OOSP2: variants seen among roughly 807,000 people sequenced by gnomAD.
The protein encoded by OOSP2 is oocyte-secreted protein 2.
Under a neutral mutation model 13.4 loss-of-function variants are expected in OOSP2, and 7 were observed. That is an observed-to-expected ratio of 0.52 (90% CI 0.30 to 0.98). OOSP2 has a LOEUF of 0.98. OOSP2 is among the 50% of genes least tolerant of loss of function. OOSP2 has a pLI of 0.07. For synonymous variants in OOSP2, 75 were observed against 67.2 expected (o/e 1.12, Z -0.57); for missense variants, 184 against 188.5 (o/e 0.98, Z 0.14).
rs1347547463 is a variant in OOSP2, at chr11:60,047,181, C to G, written c.*108C>G. On this transcript the variant is annotated 3_prime_UTR_variant, in exon 4 of 4. Coordinates refer to ENST00000278855, the MANE Select transcript of OOSP2 (RefSeq NM_173801.5). ...TTGGTGTATATCTCTCCTTAAGTCT[C>G]TGGTTTCTAAAAACCCTACTTCAGT... 1.1e-6 allele frequency: 1 copy of G among 903,588 alleles called. No homozygotes were observed. 56.0% of individuals were successfully genotyped at this position (903,588 alleles called of 1,614,324 possible).
Position 60,047,089 on chromosome 11 carries a change from G to A in OOSP2, c.*16G>A, listed in dbSNP as rs527766183. On this transcript the variant is annotated 3_prime_UTR_variant, in exon 4 of 4. Coordinates refer to ENST00000278855, the MANE Select transcript of OOSP2 (RefSeq NM_173801.5). ...CTTGCTCTGAGCTAAAGGAGAAATGGAAACTTGAAGCTGGTGTTATGTATT... is the reference window on the plus strand; with the variant it reads ...CTTGCTCTGAGCTAAAGGAGAAATGAAAACTTGAAGCTGGTGTTATGTATT... 2.5e-6 allele frequency: 4 copies of A among 1,583,022 alleles called. No homozygotes were observed. The Admixed American group carries it at 7.6e-5, about 30-fold the overall frequency.
intron 3 of OOSP2, among the ~76,000 whole-genome samples, chr11:60,046,298 A>G (rs953836989): frequency 2.6e-5 from 4 of 151,974 alleles, no homozygotes; most frequent in Non-Finnish European, 4.4e-5. Flanking sequence ...TTTCAATTCT[A>G]TGAACTACCC....
chr11:60,046,918 C>G, intron 3 of OOSP2, 26 bp from the exon 4 acceptor site: 2 of 1,601,338 alleles, frequency 1.2e-6, no homozygotes, highest in Middle Eastern at 1.7e-4. Flanking sequence ...CCAACACTAT[C>G]TGCTTTCTGT....
intron 1 of OOSP2, among the ~76,000 whole-genome samples, chr11:60,043,041 A>C (rs1197090829): frequency 3.9e-5 from 6 of 151,926 alleles, no homozygotes; most frequent in Non-Finnish European, 5.9e-5. Context: ...AGTAGCTGGG[A>C]CTACAGGCGC....
In OOSP2 at chr11:60,047,682, T is replaced by C. The variant is rs545617936; in HGVS notation, c.*609T>C. Reference sequence around the variant, plus strand: ...AACCACTACCTTAACTGAAATTTGATGTTAGGTTTCCCTTGTTCCTCCGAA... The same window carrying C: ...AACCACTACCTTAACTGAAATTTGACGTTAGGTTTCCCTTGTTCCTCCGAA... On this transcript the variant is annotated 3_prime_UTR_variant, in exon 4 of 4. Coordinates refer to ENST00000278855, the MANE Select transcript of OOSP2 (RefSeq NM_173801.5). 1 of 152,286 alleles carries C rather than the reference T, an allele frequency of 6.6e-6. No homozygotes were observed. The highest frequency in any genetic ancestry group is 2.4e-5 in the African/African-American group (1 of 41,572). The allele number at this position is 152,286 out of a possible 1,614,324, so 9.4% of individuals were successfully genotyped here. A position where few individuals can be genotyped will look rare whatever the true frequency, so the allele number is the denominator to read the frequency against.
At chr11:60,040,830 C>A (rs999857057) in intron 1 of OOSP2, among the ~76,000 whole-genome samples, 7 of 152,172 alleles carry the variant, frequency 4.6e-5, no homozygotes, top group African/African-American at 1.7e-4. Flanking sequence ...ACATTTCAAA[C>A]CCCTGCCAAT....
chr11:60,041,872 C>CAAAAAAAAAAAAAAA (rs1390816690), intron 1 of OOSP2, among the ~76,000 whole-genome samples: 2 of 84,822 alleles, frequency 2.4e-5, no homozygotes, highest in African/African-American at 8.2e-5. Flanking sequence ...AAAAAAAAAG[C>CAAAAAAAAAAAAAAA]AAAACTCCGT....
At chr11:60,046,347 A>G (rs1295194809) in intron 3 of OOSP2, among the ~76,000 whole-genome samples, 1 of 152,196 alleles carries the variant, frequency 6.6e-6, no homozygotes, top group African/African-American at 2.4e-5. Flanking sequence ...CTAATGCCTC[A>G]GAACTACTGC....
intron 3 of OOSP2, among the ~76,000 whole-genome samples, chr11:60,045,902 A>G (rs1348491093): frequency 6.6e-6 from 1 of 151,814 alleles, no homozygotes; most frequent in East Asian, 1.9e-4. Flanking sequence ...AATAGAAACC[A>G]CCCCTTGATT....
chr11:60,043,071 A>C (rs2134639374), intron 1 of OOSP2, among the ~76,000 whole-genome samples: 1 of 151,770 alleles, frequency 6.6e-6, no homozygotes, highest in Non-Finnish European at 1.5e-5. Flanking sequence ...CACCCGGCTA[A>C]TTTTTTGTAT....
chr11:60,046,888 C>T, intron 3 of OOSP2, 56 bp from the exon 4 acceptor site: 1 of 1,485,678 alleles, frequency 6.7e-7, no homozygotes, highest in Non-Finnish European at 9.4e-7. Context: ...AGTGGTAAAA[C>T]TGACTTGATC....
chr11:60,045,849 G>T (rs1202002783), intron 3 of OOSP2, among the ~76,000 whole-genome samples: 5 of 152,074 alleles, frequency 3.3e-5, no homozygotes, highest in Non-Finnish European at 7.4e-5. Flanking sequence ...TTTTCATAAA[G>T]GCTGAGGGAT....
chr11:60,047,102 G>T lies in OOSP2; in HGVS notation c.*29G>T. On this transcript the variant is annotated 3_prime_UTR_variant, in exon 4 of 4. Transcript: ENST00000278855. The stretch of plus-strand genomic sequence containing the variant: ...AAAGGAGAAATGGAAACTTGAAGCT[G>T]GTGTTATGTATTTTGCAGGAAAACA... The T allele has an allele frequency of 6.4e-7, 1 of 1,572,078 alleles. No individual in the cohort carries two copies. Among genetic ancestry groups the T allele is most frequent in the Non-Finnish European group, 8.6e-7 (1 of 1,158,812 alleles).
chr11:60,041,393 G>A (rs940529343), intron 1 of OOSP2, among the ~76,000 whole-genome samples: 1 of 152,182 alleles, frequency 6.6e-6, no homozygotes, highest in African/African-American at 2.4e-5. Flanking sequence ...AGCACATGGA[G>A]AGAAAGAGCC....
rs140306031 is a variant in OOSP2, at chr11:60,040,998, G to T, written c.64+475G>T. On this transcript the variant is annotated intron_variant, in intron 1 of 3. Transcript: ENST00000278855. ...CTTCACCCATGTTAAACTCATCAAC[G>T]GTTCTGCAAAGTTAATAGGAGAAAG... Among the ~76,000 whole-genome samples the T allele has an allele frequency of 7.4e-3, 1,128 of 152,260 alleles. 6 individuals are homozygous for T. The highest frequency in any genetic ancestry group is 0.012 in the Non-Finnish European group (837 of 68,026).
At chr11:60,045,675 T>C (rs1431145303) in intron 3 of OOSP2, among the ~76,000 whole-genome samples, 2 of 152,180 alleles carry the variant, frequency 1.3e-5, no homozygotes, top group African/African-American at 4.8e-5. Context: ...TGGGAAAATG[T>C]ACAAATCTTT....
At chr11:60,042,420 T>TTGA (rs1854947470) in intron 1 of OOSP2, among the ~76,000 whole-genome samples, 1 of 152,206 alleles carries the variant, frequency 6.6e-6, no homozygotes, top group African/African-American at 2.4e-5. Flanking sequence ...TCTTACCTTG[T>TTGA]TGATGATTTC....
At position 60,047,467 on chromosome 11, in the gene OOSP2, A is replaced by G. The variant is rs1855022387; in HGVS notation, c.*394A>G. On this transcript the variant is annotated 3_prime_UTR_variant, in exon 4 of 4. Coordinates refer to ENST00000278855, the MANE Select transcript of OOSP2 (RefSeq NM_173801.5). ...GAGACATATAAATGTGCAAGAGGCA[A>G]AACTTTGAGCATAGTGTAAAATTTA... 1 of 153,866 alleles carries G rather than the reference A, an allele frequency of 6.5e-6. No homozygotes were observed. Among genetic ancestry groups the G allele is most frequent in the Non-Finnish European group, 1.4e-5 (1 of 69,250 alleles). 9.5% of individuals were successfully genotyped at this position (153,866 alleles called of 1,614,324 possible). A position where few individuals can be genotyped will look rare whatever the true frequency, so the allele number is the denominator to read the frequency against.
chr11:60,047,413 T>A lies in OOSP2; in HGVS notation c.*340T>A, dbSNP rs1855021946. 1 of 160,960 alleles carries A rather than the reference T, an allele frequency of 6.2e-6. No individual in the cohort carries two copies. 10.0% of individuals were successfully genotyped at this position (160,960 alleles called of 1,614,324 possible). A position where few individuals can be genotyped will look rare whatever the true frequency, so the allele number is the denominator to read the frequency against. The stretch of plus-strand genomic sequence containing the variant: ...AGAACCTCCAATAAATATGTTCTAA[T>A]ATTTTTCAGGAAGAATAAAGAATAG... On this transcript the variant is annotated 3_prime_UTR_variant, in exon 4 of 4. Coordinates refer to ENST00000278855, the MANE Select transcript of OOSP2 (RefSeq NM_173801.5).
Sources: allele counts gnomAD v4.1 joint callset (sites outside exome capture counted in the v4.1 genomes callset), GRCh38; gene constraint gnomAD v4.1.1; transcripts MANE v1.5; gene names NCBI Gene and HGNC (gene_info 2026-07-23, HGNC 2026-07-21).